SPTBN1: variants seen among roughly 807,000 people sequenced by gnomAD.
SPTBN1 encodes spectrin beta, non-erythrocytic 1.
SPTBN1 carries 32 observed loss-of-function variants against 266.4 expected under a neutral mutation model. The ratio of observed to expected loss-of-function variants is 0.12; its 90% confidence interval spans 0.09 to 0.16. The LOEUF is 0.16. SPTBN1 is among the 10% of genes least tolerant of loss of function. The pLI is 1.00. For synonymous variants in SPTBN1, 1,336 were observed against 1,162.2 expected (o/e 1.15, Z -3.04); for missense variants, 2,296 against 3,067.1 (o/e 0.75, Z 5.94).
chr2:54,562,705 TG>T (rs1673393236), intron 2 of SPTBN1, among the ~76,000 whole-genome samples: 1 of 147,630 alleles, frequency 6.8e-6, no homozygotes, highest in Non-Finnish European at 1.5e-5. Flanking sequence ...TTTGTGTGTG[TG>T]TGTGTGTGTG....
Position 54,628,873 on chromosome 2 carries a change from G to A in SPTBN1, c.1799-60G>A. ...GGGGTGTAGCTTACTGCCTGCCAGT[G>A]AGCCTGCACCCATGCTGAGCTCCCT... On this transcript the variant is annotated intron_variant, in intron 13 of 35. Coordinates refer to ENST00000356805, the MANE Select transcript of SPTBN1 (RefSeq NM_003128.3). This position sits in a 1 kb window ranked among gnomAD's most constrained non-coding sequence, Gnocchi z 4.3. 1 of 1,518,506 alleles carries A rather than the reference G, an allele frequency of 6.6e-7. No individual in the cohort carries two copies. The allele number at this position is 1,518,506 out of a possible 1,614,324, so 94.1% of individuals were successfully genotyped here.
intron 32 of SPTBN1, chr2:54,662,233 T>C: frequency 7.1e-6 from 7 of 985,474 alleles, no homozygotes; most frequent in Non-Finnish European, 8.4e-6. Flanking sequence ...TTGCTTTTGA[T>C]GTGTGTCTCT....
At chr2:54,643,310 A>G (rs941489724) in intron 19 of SPTBN1, among the ~76,000 whole-genome samples, 181 bp downstream of exon 19, 1 of 152,184 alleles carries the variant, frequency 6.6e-6, no homozygotes, top group African/African-American at 2.4e-5. Context: ...CAAAAGGGAA[A>G]AAAGCAGAAA....
In SPTBN1 at chr2:54,612,343, C is replaced by T; in HGVS notation, c.474+9C>T. 2 of 1,609,074 alleles carry T rather than the reference C, an allele frequency of 1.2e-6. No individual in the cohort carries two copies. The highest frequency in any genetic ancestry group is 2.2e-5 in the East Asian group (1 of 44,840). On this transcript the variant is annotated intron_variant, in intron 4 of 35. Transcript: ENST00000356805. ...TCATCCTGCGCTTCCAGGTAAGGGTCTCTGCCCAGGGTTGCTCAGAACTTA... is the reference window on the plus strand; with the variant it reads ...TCATCCTGCGCTTCCAGGTAAGGGTTTCTGCCCAGGGTTGCTCAGAACTTA...
At chr2:54,457,703 C>T (rs1288383023) in intron 1 of SPTBN1, among the ~76,000 whole-genome samples, 1 of 152,218 alleles carries the variant, frequency 6.6e-6, no homozygotes, top group Non-Finnish European at 1.5e-5. Context: ...CCGCCCGGCC[C>T]CACCCAGGCC....
At chr2:54,487,517 C>G (rs1235437619) in intron 1 of SPTBN1, among the ~76,000 whole-genome samples, 1 of 152,098 alleles carries the variant, frequency 6.6e-6, no homozygotes, top group Non-Finnish European at 1.5e-5. Flanking sequence ...TCTGAGAAGC[C>G]TTCCCTGATT....
intron 2 of SPTBN1, among the ~76,000 whole-genome samples, chr2:54,585,826 C>T (rs928602710): frequency 6.6e-6 from 1 of 152,242 alleles, no homozygotes; most frequent in Admixed American, 6.5e-5. Flanking sequence ...ACCTTTATGG[C>T]TGAATGTTGG....
Position 54,540,746 on chromosome 2 carries a change from A to G in SPTBN1, c.148+14180A>G, listed in dbSNP as rs1671887291. ...TTAGCAGTTGAAGTTTGAGAATTTC[A>G]TGGTTAATTTTTCCAAACGTTGGCC... On this transcript the variant is annotated intron_variant, in intron 2 of 35. Coordinates refer to ENST00000356805, the MANE Select transcript of SPTBN1 (RefSeq NM_003128.3). This position sits in a 1 kb window ranked among gnomAD's most constrained non-coding sequence, Gnocchi z 5.6. 6.6e-6 allele frequency: 1 copy of G among 152,218 alleles called. No individual in the cohort carries two copies. The highest frequency in any genetic ancestry group is 2.1e-4 in the South Asian group (1 of 4,828). 9.4% of individuals were successfully genotyped at this position (152,218 alleles called of 1,614,324 possible).
At chr2:54,489,653 C>G (rs891766874) in intron 1 of SPTBN1, among the ~76,000 whole-genome samples, 2 of 152,022 alleles carry the variant, frequency 1.3e-5, no homozygotes, top group Admixed American at 1.3e-4. Flanking sequence ...GAGCTGAGAT[C>G]GTGCCACTGC....
At chr2:54,459,642 T>A (rs1693255671) in intron 1 of SPTBN1, among the ~76,000 whole-genome samples, 1 of 152,224 alleles carries the variant, frequency 6.6e-6, no homozygotes, top group African/African-American at 2.4e-5. Flanking sequence ...CCTTTAATTA[T>A]GTTGCATCGT....
chr2:54,539,567 T>A (rs1671814254), intron 2 of SPTBN1, among the ~76,000 whole-genome samples: 1 of 152,126 alleles, frequency 6.6e-6, no homozygotes, highest in Admixed American at 6.6e-5. Context: ...TGAGACAGGG[T>A]CTTGCTCTGT....
Position 54,630,990 on chromosome 2 carries a change from C to G in SPTBN1, c.2943C>G (p.Thr981=). The G allele has an allele frequency of 6.2e-7, 1 of 1,614,174 alleles. No individual in the cohort carries two copies. The highest frequency in any genetic ancestry group is 1.3e-5 in the African/African-American group (1 of 75,068). Residue 981 remains threonine, a synonymous_variant, in exon 16 of 36, where the codon ACC becomes ACG. Transcript: ENST00000356805. ...IREKTKVIES[T]QDLGNDLAGV... Reference sequence around the variant, plus strand: ...AAAAGACCAAGGTCATCGAGTCCACCCAGGACCTGGGCAATGACCTGGCTG... The same window carrying G: ...AAAAGACCAAGGTCATCGAGTCCACGCAGGACCTGGGCAATGACCTGGCTG...
At chr2:54,534,995 T>G (rs1271616101) in intron 2 of SPTBN1, 1 of 152,222 alleles carries the variant, frequency 6.6e-6, no homozygotes, top group Non-Finnish European at 1.5e-5. Context: ...GAACTCCTCA[T>G]TCTCTCCACT....
chr2:54,505,556 A>G (rs1007765306), intron 1 of SPTBN1, among the ~76,000 whole-genome samples: 5 of 152,076 alleles, frequency 3.3e-5, no homozygotes, highest in African/African-American at 7.2e-5. Flanking sequence ...TCTCCCAGGA[A>G]GGCTCCTGAA....
intron 3 of SPTBN1, among the ~76,000 whole-genome samples, chr2:54,603,523 T>C (rs1676634198): frequency 6.6e-6 from 1 of 152,168 alleles, no homozygotes; most frequent in Admixed American, 6.5e-5. Context: ...CCCACCCTGC[T>C]GACTCTTCAG....
intron 18 of SPTBN1, among the ~76,000 whole-genome samples, chr2:54,638,639 G>T (rs148755961): frequency 9.8e-5 from 15 of 152,308 alleles, no homozygotes; most frequent in Admixed American, 6.5e-4. Context: ...CTGATTTCAC[G>T]TGTGAGTTCG....
rs147484132 is a variant in SPTBN1 at position 54,571,971 on chromosome 2, C to T, written c.149-27121C>T. Among the ~76,000 whole-genome samples, 28 of 152,240 alleles carry T rather than the reference C, an allele frequency of 1.8e-4. No individual in the cohort carries two copies. The East Asian group carries it at 4.8e-3, about 26-fold the overall frequency. On this transcript the variant is annotated intron_variant, in intron 2 of 35. Transcript: ENST00000356805. ...GAAGGGCTTAGGCTGGGCCTATCTACTTTTTTTGATAAAATGAAGTTTAAT... is the reference window on the plus strand; with the variant it reads ...GAAGGGCTTAGGCTGGGCCTATCTATTTTTTTTGATAAAATGAAGTTTAAT...
intron 7 of SPTBN1, 88 bp downstream of exon 7, chr2:54,618,281 C>G: frequency 8.8e-7 from 1 of 1,137,484 alleles, no homozygotes; most frequent in Non-Finnish European, 1.3e-6. Flanking sequence ...CAGTCTGTTT[C>G]ATTTGGGAGT....
At position 54,659,924 on chromosome 2, in the gene SPTBN1, C is replaced by G. The variant is rs757997648; in HGVS notation, c.6357-12C>G. 6.2e-7 allele frequency: 1 copy of G among 1,612,722 alleles called. No homozygotes were observed. Among genetic ancestry groups the G allele is most frequent in the Non-Finnish European group, 8.5e-7 (1 of 1,179,006 alleles). ...TCCTTTCCCTTCCTCCTTTTCCCCT[C>G]TTCCCTAACAGGGATACTTCAAAAG... is the stretch of plus-strand genomic sequence containing the variant. On this transcript the variant is annotated splice_polypyrimidine_tract_variant and intron_variant, in intron 31 of 35. Transcript: ENST00000356805.
Sources: gnomAD v4.1 joint callset for allele counts (sites outside exome capture counted in the v4.1 genomes callset) on GRCh38, gnomAD v4.1.1 for gene constraint, Gnocchi (gnomAD v3.1) non-coding constraint, MANE v1.5 for transcripts, NCBI Gene and HGNC (gene_info 2026-07-23, HGNC 2026-07-21) for gene names.